The following CARS2 variants were observed in gnomAD, a reference collection of about 807,000 sequenced individuals.
The protein encoded by CARS2 is cysteinyl-tRNA synthetase 2, mitochondrial, also known as probable cysteine--tRNA ligase, mitochondrial.
Under a neutral mutation model 68.8 loss-of-function variants are expected in CARS2, and 52 were observed. That is an observed-to-expected ratio of 0.76 (90% CI 0.61 to 0.95). The LOEUF (loss-of-function observed/expected upper bound fraction) is 0.95. Among genes scored for constraint, CARS2 ranks in the 40% least tolerant of loss-of-function variants. CARS2 has a pLI of 0.00. For missense variants in CARS2, 780 were observed against 754.2 expected, an observed-to-expected ratio of 1.03 and a Z score of -0.40; for synonymous variants, 314 against 303.6, an observed-to-expected ratio of 1.03 and a Z score of -0.36.
upstream of CARS2, among the ~76,000 whole-genome samples, chr13:110,706,999 C>G (rs1376423138): frequency 6.6e-6 from 1 of 151,558 alleles, no homozygotes; most frequent in Non-Finnish European, 1.5e-5. Flanking sequence ...ACAGTGTGCA[C>G]CCCAGCACAC....
At chr13:110,673,244 G>T (rs1002132969) in intron 7 of CARS2, among the ~76,000 whole-genome samples, 7 of 152,080 alleles carry the variant, frequency 4.6e-5, no homozygotes, top group Admixed American at 1.3e-4. Context: ...CCAAAACCTG[G>T]CAGAGACACA....
At chr13:110,708,546 CTCACTGGCAGTGATTCTA>C (rs1182332923), upstream of CARS2, among the ~76,000 whole-genome samples, 1 of 151,732 alleles carries the variant, frequency 6.6e-6, no homozygotes, top group Non-Finnish European at 1.5e-5. Flanking sequence ...TTTTTAGCCC[CTCACTGGCAGTGATTCTA>C]TTATGTTTTC....
rs965598038 is a variant in CARS2, at chr13:110,676,064, G to T, written c.785+910C>A. On this transcript the variant is annotated intron_variant, in intron 7 of 14. Transcript: ENST00000257347. This position sits in a 1 kb window ranked among gnomAD's most constrained non-coding sequence, Gnocchi z 4.0. ...AGCTACTCAGGAGGATGAGGCAGGA[G>T]AATCGCTTGAACCTGGGAGGCGGAG... 1.3e-5 allele frequency among the ~76,000 whole-genome samples: 2 copies of T among 152,244 alleles called. No homozygotes were observed. Among genetic ancestry groups the T allele is most frequent in the African/African-American group, 2.4e-5 (1 of 41,464 alleles).
intron 1 of CARS2, chr13:110,712,537 G>GGGC: frequency 3.2e-6 from 1 of 313,690 alleles, no homozygotes; most frequent in Non-Finnish European, 6.3e-6. Flanking sequence ...GGAAGGGGGG[G>GGGC]GGCCGGCGCG....
chr13:110,657,516 G>A (rs1295703085), intron 9 of CARS2, among the ~76,000 whole-genome samples: 6 of 152,158 alleles, frequency 3.9e-5, no homozygotes, highest in Non-Finnish European at 8.8e-5. Context: ...GGCTAAATCC[G>A]GGATGATTTC....
chr13:110,667,831 A>G (rs1039460444), intron 7 of CARS2, among the ~76,000 whole-genome samples: 2 of 152,242 alleles, frequency 1.3e-5, no homozygotes, highest in Non-Finnish European at 2.9e-5. Flanking sequence ...AAATCATGAC[A>G]GTGTTTCATT....
At chr13:110,654,235 C>G (rs1225777263) in intron 9 of CARS2, among the ~76,000 whole-genome samples, 1 of 152,240 alleles carries the variant, frequency 6.6e-6, no homozygotes, top group Non-Finnish European at 1.5e-5. Context: ...GGGCCAGGCC[C>G]TAGCTTGCTT....
intron 9 of CARS2, among the ~76,000 whole-genome samples, chr13:110,661,974 A>C (rs765791784): frequency 2.6e-4 from 40 of 152,214 alleles, no homozygotes; most frequent in Non-Finnish European, 4.9e-4. Flanking sequence ...ATAATGAGAA[A>C]CTTTGAAATA....
chr13:110,642,553 G>A (rs377071463), intron 13 of CARS2, 32 bp from the exon 14 acceptor site: 196 of 1,585,382 alleles, frequency 1.2e-4, no homozygotes, highest in South Asian at 8.6e-4. Flanking sequence ...TACGTCCCCC[G>A]GAGACTGTGG....
In CARS2 at chr13:110,658,649, G is replaced by A. The variant is rs533230878; in HGVS notation, c.987+4802C>T. Among the ~76,000 whole-genome samples, 18 of 152,252 alleles carry A rather than the reference G, an allele frequency of 1.2e-4. No individual in the cohort carries two copies. The South Asian group carries it at 3.1e-3, about 26-fold the overall frequency. ...GATAACTGGAGAAAACAGGCCAGGC[G>A]CAGTGACTCATGCCTGTGATCCCAG... On this transcript the variant is annotated intron_variant, in intron 9 of 14. Transcript: ENST00000257347.
intron 13 of CARS2, chr13:110,643,998 G>A: frequency 5.6e-6 from 4 of 716,850 alleles, no homozygotes; most frequent in Middle Eastern, 3.7e-4. Flanking sequence ...TACAAAACAT[G>A]TGCCAGGCAA....
At position 110,679,926 on chromosome 13, in the gene CARS2, A is replaced by G. The variant is rs1282463590; in HGVS notation, c.656-2823T>C. On this transcript the variant is annotated intron_variant, in intron 6 of 14. Coordinates refer to ENST00000257347, the MANE Select transcript of CARS2 (RefSeq NM_024537.4). Reference sequence around the variant, plus strand: ...AACGGCATGTGCACTGAAGCCCACGAGCTCTCAGCAACGGAAGAACATGAA... The same window carrying G: ...AACGGCATGTGCACTGAAGCCCACGGGCTCTCAGCAACGGAAGAACATGAA... Among the ~76,000 whole-genome samples, 2 of 152,180 alleles carry G rather than the reference A, an allele frequency of 1.3e-5. 1 individual carries two copies. The highest frequency in any genetic ancestry group is 3.8e-4 in the East Asian group (2 of 5,206).
chr13:110,697,851 C>T, intron 3 of CARS2: 1 of 426,780 alleles, frequency 2.3e-6, no homozygotes, highest in South Asian at 1.7e-5. Context: ...TGCTAAACAG[C>T]CCCATGCGGT....
chr13:110,662,369 T>C (rs1169291042), intron 9 of CARS2, among the ~76,000 whole-genome samples: 2 of 134,438 alleles, frequency 1.5e-5, no homozygotes, highest in Admixed American at 8.0e-5. Flanking sequence ...CCGACCCCAC[T>C]GCATACCATG....
At chr13:110,688,176 G>A (rs2063360676) in intron 3 of CARS2, among the ~76,000 whole-genome samples, 158 bp from the exon 4 acceptor site, 7 of 152,192 alleles carry the variant, frequency 4.6e-5, no homozygotes, top group Admixed American at 4.6e-4. Flanking sequence ...CACCAAAGCG[G>A]GGGCACTCAT....
Position 110,701,580 on chromosome 13 carries a change from GTCTTT to G in CARS2, c.276-30_276-26del, listed in dbSNP as rs748150695. 3 of 1,002,572 alleles carry G rather than the reference GTCTTT, an allele frequency of 3.0e-6. No individual in the cohort carries two copies. The South Asian group carries it at 3.8e-5, about 13-fold the overall frequency. The allele number at this position is 1,002,572 out of a possible 1,614,324, so 62.1% of individuals were successfully genotyped here. On this transcript the variant is annotated intron_variant, in intron 2 of 14. Transcript: ENST00000257347. ...GCTGAAAGAAAAAAAGTGTCAGGAT[GTCTTT>G]ATTACACAAAGTCATCAGTTATCTT... is the stretch of plus-strand genomic sequence containing the variant.
intron 8 of CARS2, chr13:110,664,957 G>A (rs911370220): frequency 1.5e-5 from 14 of 958,354 alleles, no homozygotes; most frequent in Non-Finnish European, 1.5e-5. Context: ...TAACACGCCC[G>A]CTTTCAGTTT....
At chr13:110,642,686 G>T (rs367617450) in intron 13 of CARS2, 165 bp from the exon 14 acceptor site, 14 of 780,990 alleles carry the variant, frequency 1.8e-5, no homozygotes, top group Admixed American at 3.4e-5. Context: ...GGTACAGCCC[G>T]CGAGCGCTGG....
chr13:110,712,423 C>A (rs1309834115), intron 1 of CARS2: 4 of 187,524 alleles, frequency 2.1e-5, no homozygotes, highest in African/African-American at 9.6e-5. Context: ...GCGGCGGCCG[C>A]AGCGGGGCGG....
Sources: allele counts gnomAD v4.1 joint callset (sites outside exome capture counted in the v4.1 genomes callset), GRCh38; gene constraint gnomAD v4.1.1; non-coding constraint Gnocchi (gnomAD v3.1); transcripts MANE v1.5; gene names NCBI Gene and HGNC (gene_info 2026-07-23, HGNC 2026-07-21).